The following EXOC7 variants were observed in gnomAD, a reference collection of about 807,000 sequenced individuals.
EXOC7 encodes exocyst complex component Exo70.
A neutral mutation model predicts 87.6 loss-of-function variants in EXOC7; 51 were observed. That is an observed-to-expected ratio of 0.58 (90% CI 0.46 to 0.73). The LOEUF (loss-of-function observed/expected upper bound fraction) is 0.73, where lower values mean the gene tolerates loss of function less well. Among genes scored for constraint, EXOC7 ranks in the 30% least tolerant of loss-of-function variants. The pLI is 0.00. For missense variants in EXOC7, 744 were observed against 888.4 expected (o/e 0.84, Z 2.07); for synonymous variants, 327 against 357.1 (o/e 0.92, Z 0.95).
chr17:76,085,262 T>A, intron 15 of EXOC7, 52 bp downstream of exon 15: 1 of 1,407,460 alleles, frequency 7.1e-7, no homozygotes, highest in Middle Eastern at 2.0e-4. Context: ...GAAGGAAGAG[T>A]GCGTGGTGGC....
rs1214600965 is a variant in EXOC7, at chr17:76,085,446, G to T, written c.1617-37C>A. ...TAGGGGACAGAGGAGAGGAGGACAG[G>T]ATTGGCTCCTCAGGCCCAAAGGCTG... On this transcript the variant is annotated intron_variant, in intron 14 of 18. Coordinates refer to ENST00000589210, the MANE Select transcript of EXOC7 (RefSeq NM_001013839.4). 2.5e-6 allele frequency: 4 copies of T among 1,574,548 alleles called. No homozygotes were observed. In the East Asian group the frequency reaches 9.0e-5, roughly 36 times the overall value.
At chr17:76,101,032 T>G (rs996671521) in intron 4 of EXOC7, 1 of 588,522 alleles carries the variant, frequency 1.7e-6, no homozygotes, top group African/African-American at 2.0e-5. Flanking sequence ...GTTTATATTT[T>G]ATATGTAATT....
chr17:76,084,526 C>G lies in EXOC7; in HGVS notation c.1767G>C (p.Pro589=), dbSNP rs148929452. 10 of 1,613,780 alleles carry G rather than the reference C, an allele frequency of 6.2e-6. No homozygotes were observed. The highest frequency in any genetic ancestry group is 1.3e-5 in the African/African-American group (1 of 74,926). The stretch of plus-strand genomic sequence containing the variant: ...CAGGTCTTGAGCCCACCTTGACTCC[C>G]GGCTGGAACACAGGTAGATTCTTCT... The part of the protein sequence containing the change: ...IAEKNLPVFQ[P]GVKLRDKERQ... The change falls in exon 16 of 19, where the codon CCG becomes CCC. Residue 589 remains proline, a synonymous_variant. Transcript: ENST00000589210.
In EXOC7 at chr17:76,081,573, C is replaced by A. The variant is rs1338672573; in HGVS notation, c.*2075G>T. Reference sequence around the variant, plus strand: ...AGGCTGAAGAACACGGCGCTCAAGTCCATCATCGCTCTCTTGGTGCCTGCA... The same window carrying A: ...AGGCTGAAGAACACGGCGCTCAAGTACATCATCGCTCTCTTGGTGCCTGCA... On this transcript the variant is annotated 3_prime_UTR_variant, in exon 19 of 19. Transcript: ENST00000589210. 1 of 1,613,756 alleles carries A rather than the reference C, an allele frequency of 6.2e-7. No homozygotes were observed. The highest frequency in any genetic ancestry group is 1.3e-5 in the African/African-American group (1 of 74,944).
chr17:76,094,444 T>C lies in EXOC7; in HGVS notation c.778A>G (p.Thr260Ala), dbSNP rs1282893451. The change falls in exon 6 of 19, where the codon ACA (threonine) becomes GCA (alanine). Residue 260 changes from threonine to alanine, a missense_variant. Transcript: ENST00000589210. ...CGCTTGACTGGCTTCTTGGTAGGTG[T>C]GTCTTTCCTCTTGTTGGGGATAGCA... ...SPAIPNKRKD[T>A]PTKKPVKRPG... 2 of 1,613,742 alleles carry C rather than the reference T, an allele frequency of 1.2e-6. No individual in the cohort carries two copies. The highest frequency in any genetic ancestry group is 1.1e-5 in the South Asian group (1 of 91,076).
At chr17:76,102,942 G>A (rs2068145592) in intron 2 of EXOC7, 1 of 169,272 alleles carries the variant, frequency 5.9e-6, no homozygotes. Context: ...CCTGACTTTA[G>A]AGCTCTTTCT....
At chr17:76,086,602 G>A (rs1334970680) in intron 12 of EXOC7, among the ~76,000 whole-genome samples, 1 of 152,196 alleles carries the variant, frequency 6.6e-6, no homozygotes, top group Non-Finnish European at 1.5e-5. Context: ...GGAAGGCCGA[G>A]TGGGGACAGC....
intron 3 of EXOC7, 88 bp from the exon 4 acceptor site, chr17:76,101,464 C>T (rs2068057781): frequency 2.0e-6 from 3 of 1,525,120 alleles, no homozygotes; most frequent in Non-Finnish European, 2.7e-6. Context: ...AAAATTAATA[C>T]AGGGGACTCC....
In EXOC7 at chr17:76,081,482, C is replaced by T. The variant is rs972233197; in HGVS notation, c.*2166G>A. On this transcript the variant is annotated 3_prime_UTR_variant, in exon 19 of 19. Coordinates refer to ENST00000589210, the MANE Select transcript of EXOC7 (RefSeq NM_001013839.4). Reference sequence around the variant, plus strand: ...AGGATGCACGGCCAGAGGCCAGGCCCCATGCCCCCGATGCCCACCTCCTTC... The same window carrying T: ...AGGATGCACGGCCAGAGGCCAGGCCTCATGCCCCCGATGCCCACCTCCTTC... The T allele has an allele frequency of 6.8e-5, 110 of 1,610,170 alleles. No individual in the cohort carries two copies. Among genetic ancestry groups the T allele is most frequent in the Non-Finnish European group, 9.0e-5 (106 of 1,178,556 alleles).
intron 10 of EXOC7, 51 bp from the exon 11 acceptor site, chr17:76,088,173 T>C (rs375895664): frequency 5.1e-6 from 8 of 1,567,646 alleles, no homozygotes; most frequent in South Asian, 3.4e-5. Flanking sequence ...GCCCACCCCA[T>C]GCCCCAGTGC....
Position 76,101,787 on chromosome 17 carries a change from T to TCCGTC in EXOC7, c.198_202dup (p.Glu68GlyfsTer74). 1 of 1,614,088 alleles carries TCCGTC rather than the reference T, an allele frequency of 6.2e-7. No homozygotes were observed. Reference sequence around the variant, plus strand: ...ATTCTCCTGCAGCCGCTGCAGATTCTCCGTCTGCTTGTGCACAGGGATGAT... The same window carrying TCCGTC: ...ATTCTCCTGCAGCCGCTGCAGATTCTCCGTCCCGTCTGCTTGTGCACAGGGATGAT... On this transcript the variant is annotated frameshift_variant, in exon 3 of 19. Coordinates refer to ENST00000589210, the MANE Select transcript of EXOC7 (RefSeq NM_001013839.4). LOFTEE classifies it high-confidence loss of function.
intron 12 of EXOC7, 41 bp from the exon 13 acceptor site, chr17:76,086,186 A>C: frequency 6.3e-7 from 1 of 1,596,700 alleles, no homozygotes; most frequent in South Asian, 1.1e-5. Flanking sequence ...GGCAGCAGCC[A>C]AGACCCTCAA....
Position 76,086,971 on chromosome 17 carries a change from C to T in EXOC7, c.1429+683G>A, listed in dbSNP as rs2067240309. ...GGAGAAAGATGCAAAGTGCAAAAAA[C>T]AGGTTAGAAACGGCATGTCAACCCG... On this transcript the variant is annotated intron_variant, in intron 12 of 18. Coordinates refer to ENST00000589210, the MANE Select transcript of EXOC7 (RefSeq NM_001013839.4). 3.9e-5 allele frequency: 53 copies of T among 1,351,184 alleles called. No homozygotes were observed. The South Asian group carries it at 6.5e-4, about 17-fold the overall frequency. 83.7% of individuals were successfully genotyped at this position (1,351,184 alleles called of 1,614,324 possible).
At chr17:76,086,876 G>T in intron 12 of EXOC7, 1 of 1,551,450 alleles carries the variant, frequency 6.4e-7, no homozygotes, top group South Asian at 1.2e-5. Flanking sequence ...AAGGAATATT[G>T]TATGTGTCCC....
At chr17:76,084,424 C>T (rs1370618095) in intron 16 of EXOC7, 93 bp downstream of exon 16, 1 of 1,555,714 alleles carries the variant, frequency 6.4e-7, no homozygotes, top group Admixed American at 1.8e-5. Flanking sequence ...GCTCTCTGAT[C>T]CCAGAGGGAT....
chr17:76,101,520 G>A (rs959327623), intron 3 of EXOC7, 144 bp from the exon 4 acceptor site: 18 of 1,334,932 alleles, frequency 1.3e-5, no homozygotes, highest in African/African-American at 2.9e-5. Context: ...AAGGCCTAGG[G>A]CTTAAAAGGC....
At chr17:76,088,630 C>T (rs1479714756) in intron 9 of EXOC7, 68 bp from the exon 10 acceptor site, 2 of 1,595,198 alleles carry the variant, frequency 1.3e-6, no homozygotes, top group East Asian at 2.2e-5. Flanking sequence ...TCACCCAGGG[C>T]CCTTCCTAAG....
Position 76,085,744 on chromosome 17 carries a change from C to T in EXOC7, c.1549G>A (p.Glu517Lys). ...LNLLSKSKVYEDPALSAIFLH... is the reference protein window; with the variant it reads ...LNLLSKSKVYKDPALSAIFLH... ...AAGATGGCGCTCAGAGCTGGGTCCT[C>T]GTACACCTTGGACTTGCTCAGCAAG... Residue 517 changes from glutamate (E) to lysine (K), a missense_variant, in exon 14 of 19, where the codon GAG becomes AAG. Coordinates refer to ENST00000589210, the MANE Select transcript of EXOC7 (RefSeq NM_001013839.4). The T allele has an allele frequency of 1.2e-6, 2 of 1,614,046 alleles. No individual in the cohort carries two copies. Among genetic ancestry groups the T allele is most frequent in the Non-Finnish European group, 1.7e-6 (2 of 1,180,016 alleles).
At chr17:76,089,585 T>C in intron 7 of EXOC7, 3 of 533,184 alleles carry the variant, frequency 5.6e-6, no homozygotes, top group Non-Finnish European at 1.0e-5. Context: ...GGCAGGAGAG[T>C]GACGGATGGA....
Sources: allele counts gnomAD v4.1 joint callset (sites outside exome capture counted in the v4.1 genomes callset), GRCh38; gene constraint gnomAD v4.1.1; transcripts MANE v1.5; gene names NCBI Gene and HGNC (gene_info 2026-07-23, HGNC 2026-07-21).